The following USH2A variants were observed in gnomAD, a reference collection of about 807,000 sequenced individuals.
The protein encoded by USH2A is Usher syndrome 2A (autosomal recessive, mild).
In USH2A, 443 loss-of-function variants were observed where a neutral mutation model predicts 538.9. That is an observed-to-expected ratio of 0.82 (90% confidence interval 0.76 to 0.89). The LOEUF (loss-of-function observed/expected upper bound fraction) is 0.89. USH2A is among the 40% of genes least tolerant of loss of function. The probability of loss-of-function intolerance (pLI) is 0.00; values close to 1 mark genes in which losing one functional copy is unlikely to be tolerated. For synonymous variants in USH2A, 2,413 were observed against 2,273.5 expected, an observed-to-expected ratio of 1.06 and a Z score of -1.75; for missense variants, 6,633 against 6,324.8, an observed-to-expected ratio of 1.05 and a Z score of -1.65.
rs1179001355 is a variant in USH2A at position 216,158,987 on chromosome 1, A to C, written c.4627+16265T>G. Among the ~76,000 whole-genome samples the C allele has an allele frequency of 3.3e-5, 5 of 152,284 alleles. No individual in the cohort carries two copies. The East Asian group carries it at 9.6e-4, about 29-fold the overall frequency. On this transcript the variant is annotated intron_variant, in intron 21 of 71. Transcript: ENST00000307340. The stretch of plus-strand genomic sequence containing the variant: ...TAGTTCTAGTAAGCATGGTACTTTT[A>C]AACATTTCATTTTCTACTTGTTTTT...
chr1:215,647,172 G>A (rs188540159), intron 67 of USH2A, among the ~76,000 whole-genome samples: 15 of 152,288 alleles, frequency 9.8e-5, no homozygotes, highest in Non-Finnish European at 1.9e-4. Flanking sequence ...ACATACTAGA[G>A]ATTATGCCAT....
intron 32 of USH2A, among the ~76,000 whole-genome samples, chr1:216,024,322 A>G (rs969386970): frequency 7.9e-5 from 12 of 152,086 alleles, no homozygotes; most frequent in African/African-American, 2.9e-4. Flanking sequence ...TAGGAAGAGT[A>G]TATTATTTAT....
intron 30 of USH2A, 46 bp downstream of exon 30, chr1:216,070,055 A>G: frequency 1.2e-6 from 2 of 1,603,848 alleles, no homozygotes; most frequent in Non-Finnish European, 1.7e-6. Context: ...AAATGCAAAC[A>G]AAAAGGAAGT....
Position 216,247,070 on chromosome 1 carries a change from A to G in USH2A, c.2324T>C (p.Leu775Pro), listed in dbSNP as rs2036065490. 1 of 1,613,882 alleles carries G rather than the reference A, an allele frequency of 6.2e-7. No homozygotes were observed. Among genetic ancestry groups the G allele is most frequent in the Non-Finnish European group, 8.5e-7 (1 of 1,179,960 alleles). ...QCECKKEAKGLQCDTCRENFY... is the reference protein window; with the variant it reads ...QCECKKEAKGPQCDTCRENFY... ...GTTTTCTCTGCAGGTGTCACACTGA[A>G]GTCCTTTGGCTTCTTTTTTGCACTC... Residue 775 changes from leucine (L) to proline (P), a missense_variant, in exon 13 of 72, where the codon CTT (leucine) becomes CCT (proline). Physicochemically the swap from Leu to Pro is moderately conservative, Grantham distance 98. Coordinates refer to ENST00000307340, the MANE Select transcript of USH2A (RefSeq NM_206933.4).
intron 32 of USH2A, among the ~76,000 whole-genome samples, chr1:216,037,202 C>T (rs1442567235): frequency 2.6e-5 from 4 of 151,978 alleles, no homozygotes; most frequent in East Asian, 1.9e-4. Context: ...AATGATTTTC[C>T]GTGAAAACTG....
chr1:216,231,584 T>C (rs918412227), intron 14 of USH2A, among the ~76,000 whole-genome samples: 1 of 151,646 alleles, frequency 6.6e-6, no homozygotes, highest in Non-Finnish European at 1.5e-5. Context: ...AGTCTTGCCC[T>C]GTCTCCCAGG....
intron 14 of USH2A, among the ~76,000 whole-genome samples, chr1:216,229,705 TA>T (rs2035638350): frequency 6.6e-6 from 1 of 152,166 alleles, no homozygotes; most frequent in South Asian, 2.1e-4. Flanking sequence ...TCAATTTATG[TA>T]AACATTTAAA....
At chr1:215,867,261 G>C in intron 43 of USH2A, 91 bp from the exon 44 acceptor site, 1 of 1,405,854 alleles carries the variant, frequency 7.1e-7, no homozygotes, top group Non-Finnish European at 9.8e-7. Flanking sequence ...CAAAATACAG[G>C]ATTTCCTTCC....
intron 40 of USH2A, among the ~76,000 whole-genome samples, chr1:215,894,302 T>G (rs1424338440): frequency 6.6e-6 from 1 of 152,176 alleles, no homozygotes; most frequent in Non-Finnish European, 1.5e-5. Context: ...ATTTTAAGGA[T>G]GCAAGTGAAA....
chr1:216,298,528 C>T (rs1459735120), intron 9 of USH2A, among the ~76,000 whole-genome samples: 1 of 152,126 alleles, frequency 6.6e-6, no homozygotes, highest in East Asian at 1.9e-4. Context: ...ACCAGTGACC[C>T]AATGGAATGG....
intron 56 of USH2A, among the ~76,000 whole-genome samples, chr1:215,764,975 G>GT (rs948282990): frequency 2.7e-5 from 4 of 148,320 alleles, no homozygotes; most frequent in African/African-American, 1.0e-4. Context: ...GATACATAAA[G>GT]TTAAAAAAAA....
At chr1:216,281,961 T>A (rs1306615274) in intron 11 of USH2A, among the ~76,000 whole-genome samples, 2 of 145,432 alleles carry the variant, frequency 1.4e-5, no homozygotes, top group African/African-American at 5.0e-5. Context: ...TGATGACTAA[T>A]GTCAAAAATC....
At chr1:216,120,843 T>C (rs559566944) in intron 21 of USH2A, among the ~76,000 whole-genome samples, 86 of 151,902 alleles carry the variant, frequency 5.7e-4, no homozygotes, top group African/African-American at 2.1e-3. Context: ...ACAGTGAGAC[T>C]CCGTCTCAAA....
chr1:215,664,010 C>T (rs953539386), intron 64 of USH2A, among the ~76,000 whole-genome samples: 1 of 152,156 alleles, frequency 6.6e-6, no homozygotes, highest in African/African-American at 2.4e-5. Flanking sequence ...ATGAATCCTA[C>T]ATCATCCGAG....
At chr1:216,411,944 G>A (rs551194873) in intron 3 of USH2A, among the ~76,000 whole-genome samples, 2 of 152,174 alleles carry the variant, frequency 1.3e-5, no homozygotes, top group South Asian at 2.1e-4. Context: ...TGACTTCAGT[G>A]GTTTGACCAA....
intron 30 of USH2A, among the ~76,000 whole-genome samples, chr1:216,054,125 T>C (rs1356231123): frequency 1.3e-5 from 2 of 152,232 alleles, no homozygotes; most frequent in African/African-American, 4.8e-5. Context: ...GCTATTAGTA[T>C]GGTTTACCAA....
chr1:215,696,853 G>A (rs969095856), intron 61 of USH2A, among the ~76,000 whole-genome samples: 4 of 152,288 alleles, frequency 2.6e-5, no homozygotes, highest in Non-Finnish European at 4.4e-5. Flanking sequence ...GACATAGTGA[G>A]ACCTGTCTCT....
chr1:216,219,133 C>T (rs1489738679), intron 14 of USH2A, among the ~76,000 whole-genome samples: 1 of 152,000 alleles, frequency 6.6e-6, no homozygotes, highest in Non-Finnish European at 1.5e-5. Flanking sequence ...AGAGTAATAG[C>T]TTCCAATGTA....
At chr1:216,309,078 C>T (rs932225817) in intron 9 of USH2A, among the ~76,000 whole-genome samples, 1 of 152,146 alleles carries the variant, frequency 6.6e-6, no homozygotes, top group East Asian at 1.9e-4. Context: ...TCCCATCATG[C>T]CTAGTCTGTT....
Sources: allele counts gnomAD v4.1 joint callset (sites outside exome capture counted in the v4.1 genomes callset), GRCh38; gene constraint gnomAD v4.1.1; transcripts MANE v1.5; gene names NCBI Gene and HGNC (gene_info 2026-07-23, HGNC 2026-07-21).